BNC2: variants seen among roughly 807,000 people sequenced by gnomAD.
BNC2 encodes zinc finger protein basonuclin-2.
Under a neutral mutation model 76.3 loss-of-function variants are expected in BNC2, and 20 were observed. The ratio of observed to expected loss-of-function variants is 0.26; its 90% CI spans 0.18 to 0.38. The LOEUF (loss-of-function observed/expected upper bound fraction) is 0.38. Among genes scored for constraint, BNC2 ranks in the 10% least tolerant of loss-of-function variants. BNC2 has a pLI of 1.00. For missense variants in BNC2, 1,382 were observed against 1,399.8 expected (o/e 0.99, Z 0.20); for synonymous variants, 582 against 514.8 (o/e 1.13, Z -1.77).
chr9:16,636,682 A>G (rs1485585819), intron 3 of BNC2, among the ~76,000 whole-genome samples: 1 of 152,172 alleles, frequency 6.6e-6, no homozygotes, highest in Non-Finnish European at 1.5e-5. Context: ...ACAGATTCCA[A>G]ATCTAAAGAA....
At chr9:16,745,089 A>G (rs1824962014) in intron 1 of BNC2, among the ~76,000 whole-genome samples, 1 of 152,198 alleles carries the variant, frequency 6.6e-6, no homozygotes, top group African/African-American at 2.4e-5. Context: ...TTACTTATCC[A>G]AAGTTCATCT....
intron 3 of BNC2, among the ~76,000 whole-genome samples, chr9:16,669,256 T>C (rs1204685901): frequency 1.3e-5 from 2 of 152,218 alleles, no homozygotes; most frequent in South Asian, 4.1e-4. Flanking sequence ...AAATTGTTCC[T>C]GAAGAGCCCA....
At chr9:16,482,595 G>A (rs962262823) in intron 5 of BNC2, among the ~76,000 whole-genome samples, 2 of 152,188 alleles carry the variant, frequency 1.3e-5, no homozygotes, top group African/African-American at 4.8e-5. Context: ...CATACTCATA[G>A]AAGGATGATG....
At chr9:16,832,905 T>C (rs1818614390) in intron 1 of BNC2, among the ~76,000 whole-genome samples, 2 of 152,048 alleles carry the variant, frequency 1.3e-5, no homozygotes, top group Admixed American at 6.6e-5. Flanking sequence ...TTTCTATTTT[T>C]AGTAGAGACG....
chr9:16,496,595 G>A (rs1161604750), intron 5 of BNC2, among the ~76,000 whole-genome samples: 1 of 152,102 alleles, frequency 6.6e-6, no homozygotes, highest in African/African-American at 2.4e-5. Flanking sequence ...TTTAAATCTA[G>A]GATTCTTAAT....
intron 5 of BNC2, among the ~76,000 whole-genome samples, chr9:16,450,644 C>T (rs1001405599): frequency 2.6e-5 from 4 of 152,138 alleles, no homozygotes; most frequent in African/African-American, 9.7e-5. Flanking sequence ...CTTCTAACAC[C>T]GATGATAAAG....
rs1563811324 is a variant in BNC2, at chr9:16,498,246, TATATATATTCCATC to T, written c.669+54270_669+54283del. ...TCATATATATATATTCCATCATATA[TATATATATTCCATC>T]ATATATATATTCCATCATATATATA... On this transcript the variant is annotated intron_variant, in intron 5 of 6. Coordinates refer to ENST00000380672, the MANE Select transcript of BNC2 (RefSeq NM_017637.6). Among the ~76,000 whole-genome samples, 25 of 137,868 alleles carry T rather than the reference TATATATATTCCATC, an allele frequency of 1.8e-4. 1 individual carries two copies. Among genetic ancestry groups the T allele is most frequent in the African/African-American group, 6.0e-4 (23 of 38,376 alleles). 90.4% of individuals were successfully genotyped at this position (137,868 alleles called of 152,430 possible).
intron 1 of BNC2, among the ~76,000 whole-genome samples, chr9:16,769,856 G>T (rs531541698): frequency 1.1e-4 from 17 of 152,272 alleles, no homozygotes; most frequent in African/African-American, 4.1e-4. Flanking sequence ...AGAAAACCCT[G>T]ATGCTGTGAA....
At position 16,583,029 on chromosome 9, in the gene BNC2, A is replaced by G. The variant is rs745815987; in HGVS notation, c.387T>C (p.Ile129=). 5.6e-6 allele frequency: 9 copies of G among 1,613,948 alleles called. No homozygotes were observed. Among genetic ancestry groups the G allele is most frequent in the East Asian group, 2.2e-5 (1 of 44,878 alleles). The stretch of plus-strand genomic sequence containing the variant: ...TACACTGATCACAAGTCCTCAGGTT[A>G]ATCTTCCCTGGCTGAAAACATTCAC... ...CTCECFQPGK[I]NLRTCDQCKH... is the part of the protein sequence containing the mutation. Residue 129 remains isoleucine (I), a synonymous_variant, in exon 4 of 7, where the codon ATT becomes ATC. Transcript: ENST00000380672.
chr9:16,842,845 G>T (rs570844166), intron 1 of BNC2, among the ~76,000 whole-genome samples: 3 of 152,070 alleles, frequency 2.0e-5, no homozygotes, highest in East Asian at 3.9e-4. Flanking sequence ...TCTGTCTCTT[G>T]GGTTCAAGCA....
intron 1 of BNC2, among the ~76,000 whole-genome samples, chr9:16,824,703 C>T (rs980795204): frequency 1.3e-5 from 2 of 152,106 alleles, no homozygotes; most frequent in Non-Finnish European, 2.9e-5. Context: ...ACCTCTGCCT[C>T]GACAAAACAT....
chr9:16,673,429 TTAA>T (rs1822540438), intron 3 of BNC2, among the ~76,000 whole-genome samples: 1 of 132,382 alleles, frequency 7.6e-6, no homozygotes, highest in Non-Finnish European at 1.5e-5. Flanking sequence ...ATTCTGAGAT[TTAA>T]AAAAAAAAAA....
intron 5 of BNC2, among the ~76,000 whole-genome samples, chr9:16,511,896 G>A (rs1190568179): frequency 6.6e-6 from 1 of 152,174 alleles, no homozygotes; most frequent in Admixed American, 6.5e-5. Flanking sequence ...GTCTGTGCCA[G>A]CCAATAATAC....
At chr9:16,619,993 A>G (rs1820819842) in intron 3 of BNC2, among the ~76,000 whole-genome samples, 1 of 152,228 alleles carries the variant, frequency 6.6e-6, no homozygotes, top group Non-Finnish European at 1.5e-5. Context: ...CAATGCACTC[A>G]GGAAATTAAG....
chr9:16,637,961 G>A (rs1047043671), intron 3 of BNC2, among the ~76,000 whole-genome samples: 15 of 152,214 alleles, frequency 9.9e-5, no homozygotes, highest in African/African-American at 3.6e-4. Flanking sequence ...CAAAAAATCA[G>A]AAATATACTT....
At chr9:16,421,222 A>G in intron 6 of BNC2, 1 of 1,261,826 alleles carries the variant, frequency 7.9e-7, no homozygotes, top group South Asian at 1.3e-5. Context: ...GGCAGAGGGC[A>G]GCAGCCCTCT....
chr9:16,575,117 T>C (rs564931819), intron 4 of BNC2: 108 of 255,680 alleles, frequency 4.2e-4, no homozygotes, highest in African/African-American at 2.2e-3. Flanking sequence ...CTAGGAGCTA[T>C]CATCACTCAC....
intron 3 of BNC2, among the ~76,000 whole-genome samples, chr9:16,643,934 C>T (rs983665882): frequency 3.9e-5 from 6 of 152,044 alleles, no homozygotes; most frequent in African/African-American, 1.4e-4. Context: ...CTCTTAACAC[C>T]ATAAACTTTC....
intron 3 of BNC2, among the ~76,000 whole-genome samples, chr9:16,663,099 A>C (rs1042675877): frequency 6.9e-6 from 1 of 145,768 alleles, no homozygotes; most frequent in South Asian, 2.1e-4. Context: ...GCTCAATTCC[A>C]GTGATCCATA....
Sources: allele counts gnomAD v4.1 joint callset (sites outside exome capture counted in the v4.1 genomes callset), GRCh38; gene constraint gnomAD v4.1.1; transcripts MANE v1.5; gene names NCBI Gene and HGNC (gene_info 2026-07-23, HGNC 2026-07-21).